The following CAV3 variants were observed in gnomAD, a reference collection of about 807,000 sequenced individuals.
CAV3 encodes the protein caveolin-3.
In CAV3, 10 loss-of-function variants were observed where a neutral mutation model predicts 13.4. The observed-to-expected ratio is 0.75, with a 90% confidence interval of 0.46 to 1.27. The LOEUF (loss-of-function observed/expected upper bound fraction) is 1.27, where lower values mean the gene tolerates loss of function less well. Among genes scored for constraint, CAV3 ranks in the 50% most tolerant of loss-of-function variants. CAV3 has a pLI of 0.00. For synonymous variants in CAV3, 90 were observed against 79.0 expected (o/e 1.14, Z -0.74); for missense variants, 162 against 194.0 (o/e 0.83, Z 0.98).
At chr3:8,742,603 C>A in intron 1 of CAV3, 1 of 449,748 alleles carries the variant, frequency 2.2e-6, no homozygotes, top group South Asian at 1.6e-5. Context: ...TTCAGAGCAC[C>A]TGAAGGAATA....
rs548125442 is a variant in CAV3 at position 8,740,940 on chromosome 3, G to A, written c.115-4586G>A. On this transcript the variant is annotated intron_variant, in intron 1 of 1. Coordinates refer to ENST00000343849, the MANE Select transcript of CAV3 (RefSeq NM_033337.3). Reference sequence around the variant, plus strand: ...GAGCGTCACTCTGCCAGTCCCTTACGTGCCATGTGAAATAACACATGTAAG... The same window carrying A: ...GAGCGTCACTCTGCCAGTCCCTTACATGCCATGTGAAATAACACATGTAAG... 7.2e-5 allele frequency among the ~76,000 whole-genome samples: 11 copies of A among 152,310 alleles called. No individual in the cohort carries two copies. The East Asian group carries it at 1.9e-3, about 27-fold the overall frequency.
chr3:8,737,583 C>A (rs907096638), intron 1 of CAV3, among the ~76,000 whole-genome samples: 3 of 152,142 alleles, frequency 2.0e-5, no homozygotes, highest in South Asian at 2.1e-4. Context: ...GGGCCCAGGG[C>A]AGTGTAGAAG....
rs972788554 is a variant in CAV3 at position 8,733,936 on chromosome 3, G to A, written c.60G>A (p.Lys20=). ...EAQIVKDIHC[K]EIDLVNRDPK... is the part of the protein sequence containing the mutation. ...AGATCGTCAAGGATATCCACTGCAAGGAGATTGACCTGGTGAACCGAGACC... is the reference window on the plus strand; with the variant it reads ...AGATCGTCAAGGATATCCACTGCAAAGAGATTGACCTGGTGAACCGAGACC... Residue 20 remains lysine (K), a synonymous_variant, in exon 1 of 2, where the codon AAG becomes AAA. Transcript: ENST00000343849. 7.4e-5 allele frequency: 119 copies of A among 1,613,586 alleles called. No individual in the cohort carries two copies. The highest frequency in any genetic ancestry group is 1.0e-4 in the Non-Finnish European group (118 of 1,179,678).
chr3:8,743,144 C>T (rs11710913), intron 1 of CAV3, among the ~76,000 whole-genome samples: 13,604 of 152,156 alleles, frequency 0.089, 804 homozygotes, highest in Non-Finnish European at 0.14. Flanking sequence ...GTGAAGGGTC[C>T]GCCCCCATGA....
intron 1 of CAV3, among the ~76,000 whole-genome samples, chr3:8,734,877 C>T (rs974168482): frequency 6.6e-6 from 1 of 152,176 alleles, no homozygotes. Flanking sequence ...TGCCACCATG[C>T]CCAGCTAATT....
intron 1 of CAV3, among the ~76,000 whole-genome samples, chr3:8,742,279 G>C (rs988612337): frequency 6.7e-6 from 1 of 149,328 alleles, no homozygotes; most frequent in African/African-American, 2.5e-5. Flanking sequence ...ACAGAAAATA[G>C]AGCACTTGCC....
At chr3:8,734,998 A>C (rs1162675834) in intron 1 of CAV3, among the ~76,000 whole-genome samples, 1 of 151,894 alleles carries the variant, frequency 6.6e-6, no homozygotes, top group Non-Finnish European at 1.5e-5. Context: ...CAGGTGCAAG[A>C]CTCCACAACT....
intron 1 of CAV3, among the ~76,000 whole-genome samples, chr3:8,737,991 C>G (rs1707816581): frequency 6.6e-6 from 1 of 151,988 alleles, no homozygotes; most frequent in Non-Finnish European, 1.5e-5. Flanking sequence ...TCTCTGCTCT[C>G]TCTTCTCTCT....
chr3:8,744,556 C>T (rs1708087701), intron 1 of CAV3, among the ~76,000 whole-genome samples: 1 of 148,842 alleles, frequency 6.7e-6, no homozygotes, highest in Admixed American at 6.8e-5. Flanking sequence ...CACTGGAAGA[C>T]GTTCATTGAC....
chr3:8,743,170 C>T (rs1708035632), intron 1 of CAV3, among the ~76,000 whole-genome samples: 1 of 152,200 alleles, frequency 6.6e-6, no homozygotes, highest in Non-Finnish European at 1.5e-5. Flanking sequence ...ACACCTCCCA[C>T]CAGGCCCCAT....
intron 1 of CAV3, among the ~76,000 whole-genome samples, chr3:8,740,245 A>G (rs1450299923): frequency 2.0e-5 from 3 of 152,062 alleles, no homozygotes; most frequent in African/African-American, 7.2e-5. Flanking sequence ...TTTCTGCCAC[A>G]TTCTTGTGGT....
At chr3:8,739,582 T>C (rs1435841649) in intron 1 of CAV3, among the ~76,000 whole-genome samples, 1 of 150,630 alleles carries the variant, frequency 6.6e-6, no homozygotes, top group African/African-American at 2.5e-5. Flanking sequence ...ATCGCACCAC[T>C]GTATTCCAGC....
intron 1 of CAV3, among the ~76,000 whole-genome samples, chr3:8,742,059 C>G (rs1707980627): frequency 6.6e-6 from 1 of 152,196 alleles, no homozygotes; most frequent in African/African-American, 2.4e-5. Flanking sequence ...GCCATCTCCT[C>G]TCTTCTGGAA....
intron 1 of CAV3, chr3:8,742,372 AAAGAAG>A (rs1553614071): frequency 5.8e-6 from 2 of 345,888 alleles, no homozygotes; most frequent in South Asian, 4.5e-5. Flanking sequence ...AAAAAAAAAA[AAAGAAG>A]AAGAAGAAGA....
intron 1 of CAV3, among the ~76,000 whole-genome samples, chr3:8,734,363 G>T (rs1707676044): frequency 6.6e-6 from 1 of 152,196 alleles, no homozygotes; most frequent in Non-Finnish European, 1.5e-5. Flanking sequence ...CTGTGCCAAG[G>T]GGCATTTCTG....
At chr3:8,740,604 C>T (rs1203537605) in intron 1 of CAV3, among the ~76,000 whole-genome samples, 1 of 152,172 alleles carries the variant, frequency 6.6e-6, no homozygotes, top group African/African-American at 2.4e-5. Context: ...CAGTCTCTTC[C>T]CAGCTCCTTT....
Position 8,742,834 on chromosome 3 carries a change from G to A in CAV3, c.115-2692G>A, listed in dbSNP as rs1345400070. Among the ~76,000 whole-genome samples, 4 of 152,168 alleles carry A rather than the reference G, an allele frequency of 2.6e-5. No individual in the cohort carries two copies. In the East Asian group the frequency reaches 7.7e-4, roughly 29 times the overall value. On this transcript the variant is annotated intron_variant, in intron 1 of 1. Coordinates refer to ENST00000343849, the MANE Select transcript of CAV3 (RefSeq NM_033337.3). The stretch of plus-strand genomic sequence containing the variant: ...GGATAGATGAATGAGTGGATAGATG[G>A]TGAGTGTCAGTCTGTTTTTCATTGC...
intron 1 of CAV3, among the ~76,000 whole-genome samples, chr3:8,743,365 C>A (rs1708040969): frequency 6.6e-6 from 1 of 152,078 alleles, no homozygotes; most frequent in South Asian, 2.1e-4. Context: ...ACTTTTCCAT[C>A]CCTGTTCCAA....
intron 1 of CAV3, among the ~76,000 whole-genome samples, chr3:8,737,317 C>T (rs889172458): frequency 3.9e-5 from 6 of 152,150 alleles, no homozygotes; most frequent in African/African-American, 1.4e-4. Flanking sequence ...CTGACAGTAA[C>T]TTGCTGTGTG....
Sources: gnomAD v4.1 joint callset for allele counts (sites outside exome capture counted in the v4.1 genomes callset) on GRCh38, gnomAD v4.1.1 for gene constraint, MANE v1.5 for transcripts, NCBI Gene and HGNC (gene_info 2026-07-23, HGNC 2026-07-21) for gene names.